Variants in TF observed in about 807,000 individuals in gnomAD.
TF encodes transferrin, also known as serotransferrin.
Under a neutral mutation model 82.4 loss-of-function variants are expected in TF, and 55 were observed. The observed-to-expected ratio is 0.67, with a 90% CI of 0.54 to 0.84. The LOEUF (loss-of-function observed/expected upper bound fraction) is 0.84. Among genes scored for constraint, TF ranks in the 40% least tolerant of loss-of-function variants. The pLI, the probability that TF is intolerant of heterozygous loss-of-function variation, is 0.00. For missense variants in TF, 737 were observed against 868.4 expected (o/e 0.85, Z 1.90); for synonymous variants, 332 against 332.6 (o/e 1.00, Z 0.02).
chr3:133,674,842 C>T, the TF span, among the ~76,000 whole-genome samples: 3 of 152,136 alleles, frequency 2.0e-5, no homozygotes, highest in African/African-American at 7.2e-5. Flanking sequence ...TCGCAGAAAC[C>T]CCATTGACTA....
At chr3:133,716,788 T>C in the TF span, among the ~76,000 whole-genome samples, 1 of 152,224 alleles carries the variant, frequency 6.6e-6, no homozygotes, top group Admixed American at 6.5e-5. Context: ...GTAAGGTTCT[T>C]TGTAATCTAA....
At position 133,784,200 on chromosome 3, in the gene TF, T is replaced by C. The variant is rs1430644817; in HGVS notation, c.*5580T>C. 1 of 152,252 alleles carries C rather than the reference T, an allele frequency of 6.6e-6. No homozygotes were observed. Among genetic ancestry groups the C allele is most frequent in the East Asian group, 1.9e-4 (1 of 5,190 alleles). 9.4% of individuals were successfully genotyped at this position (152,252 alleles called of 1,614,324 possible). ...GGGTTAGCGGCCATCGCCCAGCTCGTCTTCCTTCTACCAGACGCTGGTGCT... is the reference window on the plus strand; with the variant it reads ...GGGTTAGCGGCCATCGCCCAGCTCGCCTTCCTTCTACCAGACGCTGGTGCT... On this transcript the variant is annotated 3_prime_UTR_variant, in exon 17 of 17. Transcript: ENST00000402696.
the TF span, among the ~76,000 whole-genome samples, chr3:133,727,506 T>A: frequency 8.9e-6 from 1 of 112,790 alleles, no homozygotes; most frequent in Non-Finnish European, 1.8e-5. Context: ...TCCATTTGCT[T>A]GGTAGATCTT....
the TF span, chr3:133,702,224 A>T: frequency 7.0e-6 from 1 of 142,496 alleles, no homozygotes; most frequent in South Asian, 2.4e-4. Flanking sequence ...CCTCCCACCC[A>T]CCCCACAGGC....
intron 8 of TF, among the ~76,000 whole-genome samples, chr3:133,758,974 T>TA (rs1433419678): frequency 6.6e-6 from 1 of 152,114 alleles, no homozygotes; most frequent in Non-Finnish European, 1.5e-5. Context: ...TCGGAAGACA[T>TA]AAAAAACTAA....
At chr3:133,699,674 T>C in the TF span, 1 of 469,666 alleles carries the variant, frequency 2.1e-6, no homozygotes, top group South Asian at 1.6e-5. Context: ...CTGCTTGGAT[T>C]TGGAGGGAGG....
intron 7 of TF, 61 bp downstream of exon 7, chr3:133,757,070 T>C: frequency 6.2e-7 from 1 of 1,605,622 alleles, no homozygotes; most frequent in South Asian, 1.1e-5. Context: ...TTGGGGGTTT[T>C]CCTCCTGGCC....
chr3:133,706,364 G>C, the TF span, among the ~76,000 whole-genome samples: 2 of 152,170 alleles, frequency 1.3e-5, no homozygotes, highest in Non-Finnish European at 2.9e-5. Context: ...TAGAGTAGAA[G>C]ACCACCACTA....
chr3:133,696,239 C>T, the TF span, among the ~76,000 whole-genome samples: 32 of 151,988 alleles, frequency 2.1e-4, no homozygotes, highest in African/African-American at 4.8e-4. Flanking sequence ...GAGGCTACAG[C>T]GAGCTATGAT....
rs552509131 is a variant in TF, at chr3:133,781,172, C to G, written c.*2552C>G. 2 of 151,728 alleles carry G rather than the reference C, an allele frequency of 1.3e-5. No individual in the cohort carries two copies. Among genetic ancestry groups the G allele is most frequent in the African/African-American group, 4.8e-5 (2 of 41,280 alleles). The allele number at this position is 151,728 out of a possible 1,614,324, so 9.4% of individuals were successfully genotyped here. ...ATCTCTACTTAAAATAAAAATTAGCCGGGCGTAGTGGTGCATGCCTGTAAT... is the reference window on the plus strand; with the variant it reads ...ATCTCTACTTAAAATAAAAATTAGCGGGGCGTAGTGGTGCATGCCTGTAAT... On this transcript the variant is annotated 3_prime_UTR_variant, in exon 17 of 17. Transcript: ENST00000402696.
At chr3:133,692,717 GATCAGT>G in the TF span, 2 of 152,296 alleles carry the variant, frequency 1.3e-5, no homozygotes, top group East Asian at 3.9e-4. Flanking sequence ...TGCTCCAGAA[GATCAGT>G]GACAATATGG....
chr3:133,671,458 A>C, the TF span, among the ~76,000 whole-genome samples: 2 of 152,228 alleles, frequency 1.3e-5, no homozygotes, highest in South Asian at 4.1e-4. Context: ...AGGCTGAAAA[A>C]TCAGTGACCT....
At chr3:133,685,385 T>A in the TF span, among the ~76,000 whole-genome samples, 12 of 152,296 alleles carry the variant, frequency 7.9e-5, no homozygotes, top group African/African-American at 2.9e-4. Flanking sequence ...CAAAGGGTAT[T>A]CGATTAGGAA....
At chr3:133,745,964 C>A (rs1559865662), upstream of TF, 1 of 196,200 alleles carries the variant, frequency 5.1e-6, no homozygotes, top group Non-Finnish European at 1.1e-5. Context: ...AGGGGCTTTG[C>A]CTGTCATTCT....
intron 5 of TF, among the ~76,000 whole-genome samples, chr3:133,755,986 C>T (rs1415233448): frequency 6.6e-6 from 1 of 152,186 alleles, no homozygotes; most frequent in African/African-American, 2.4e-5. Flanking sequence ...ACATTTTCAC[C>T]CTCAGGAGAC....
chr3:133,724,705 G>C, the TF span, among the ~76,000 whole-genome samples: 1 of 152,236 alleles, frequency 6.6e-6, no homozygotes, highest in Admixed American at 6.5e-5. Context: ...ATTGCTTTTG[G>C]TGTTTTAGAC....
At chr3:133,698,765 G>A in the TF span, among the ~76,000 whole-genome samples, 6 of 152,140 alleles carry the variant, frequency 3.9e-5, no homozygotes, top group Non-Finnish European at 5.9e-5. Context: ...TGTGGATTAG[G>A]ACTTCAATAT....
intron 13 of TF, among the ~76,000 whole-genome samples, chr3:133,769,323 T>C (rs987628213): frequency 3.3e-5 from 5 of 152,256 alleles, no homozygotes; most frequent in Admixed American, 1.3e-4. Context: ...GTTGTTTTCA[T>C]AAAGATTGAA....
At chr3:133,736,630 C>CAA in the TF span, among the ~76,000 whole-genome samples, 1 of 12,568 alleles carries the variant, frequency 8.0e-5, no homozygotes, top group African/African-American at 5.1e-4. Flanking sequence ...AAATGGAAAG[C>CAA]CAAAAAAAAA....
Sources: allele counts gnomAD v4.1 joint callset (sites outside exome capture counted in the v4.1 genomes callset), GRCh38; gene constraint gnomAD v4.1.1; transcripts MANE v1.5; gene names NCBI Gene and HGNC (gene_info 2026-07-23, HGNC 2026-07-21).